Variants in CCDC18 observed in about 807,000 individuals in gnomAD.
The protein encoded by CCDC18 is coiled-coil domain containing 18.
A neutral mutation model predicts 196.0 loss-of-function variants in CCDC18; 157 were observed. The ratio of observed to expected loss-of-function variants is 0.80; its 90% CI spans 0.70 to 0.91. The LOEUF (loss-of-function observed/expected upper bound fraction) is 0.91, where lower values mean the gene tolerates loss of function less well. CCDC18 is among the 40% of genes least tolerant of loss of function. The probability of loss-of-function intolerance (pLI) is 0.00; values close to 1 mark genes in which losing one functional copy is unlikely to be tolerated. For synonymous variants in CCDC18, 482 were observed against 529.2 expected, an observed-to-expected ratio of 0.91 and a Z score of 1.22; for missense variants, 1,465 against 1,611.6, an observed-to-expected ratio of 0.91 and a Z score of 1.56.
chr1:93,264,698 T>G lies in CCDC18; in HGVS notation c.3685-3T>G. The G allele has an allele frequency of 9.4e-6, 15 of 1,591,120 alleles. No homozygotes were observed. Among genetic ancestry groups the G allele is most frequent in the Non-Finnish European group, 1.3e-5 (15 of 1,161,418 alleles). Reference sequence around the variant, plus strand: ...TTTCTTTTCCAATTCTGGGGCTATATAGATGATTTCACATCAAGAGAACCA... The same window carrying G: ...TTTCTTTTCCAATTCTGGGGCTATAGAGATGATTTCACATCAAGAGAACCA... On this transcript the variant is annotated splice_region_variant and splice_polypyrimidine_tract_variant and intron_variant, in intron 26 of 28. Transcript: ENST00000690025.
intron 27 of CCDC18, among the ~76,000 whole-genome samples, chr1:93,267,944 G>A (rs1456217941): frequency 6.6e-6 from 1 of 152,058 alleles, no homozygotes; most frequent in Non-Finnish European, 1.5e-5. Flanking sequence ...CTACCTTAAA[G>A]TTCATATGGA....
In CCDC18 at chr1:93,246,189, G is replaced by T; in HGVS notation, c.3066G>T (p.Lys1022Asn). 1 of 1,603,228 alleles carries T rather than the reference G, an allele frequency of 6.2e-7. No homozygotes were observed. Among genetic ancestry groups the T allele is most frequent in the Non-Finnish European group, 8.5e-7 (1 of 1,174,488 alleles). ...QALKERNWEL[K>N]QRAAQVTHLD... Reference sequence around the variant, plus strand: ...TTAAAGAGAGAAATTGGGAACTAAAGCAAAGAGCAGCTCAGGTTGATTTTT... The same window carrying T: ...TTAAAGAGAGAAATTGGGAACTAAATCAAAGAGCAGCTCAGGTTGATTTTT... Residue 1022 changes from lysine (K) to asparagine (N), a missense_variant, in exon 22 of 29, where the codon AAG becomes AAT. Coordinates refer to ENST00000690025, the MANE Select transcript of CCDC18 (RefSeq NM_001378204.1).
chr1:93,246,922 T>C lies in CCDC18; in HGVS notation c.3166T>C (p.Ser1056Pro), dbSNP rs773965214. 6.9e-7 allele frequency: 1 copy of C among 1,448,118 alleles called. No individual in the cohort carries two copies. Among genetic ancestry groups the C allele is most frequent in the Admixed American group, 2.0e-5 (1 of 50,024 alleles). The allele number at this position is 1,448,118 out of a possible 1,614,324, so 89.7% of individuals were successfully genotyped here. ...TAAATTAGAAGGTACTCTGGAGAAATCAGAATTGGAACTTAAAGAATGTAA... is the reference window on the plus strand; with the variant it reads ...TAAATTAGAAGGTACTCTGGAGAAACCAGAATTGGAACTTAAAGAATGTAA... ...IIKLEGTLEK[S>P]ELELKECNKQ... Residue 1056 changes from serine to proline, a missense_variant, in exon 23 of 29, where the codon TCA (serine) becomes CCA (proline). Ser to Pro is a moderately conservative substitution (Grantham distance 74, BLOSUM62 -1). Transcript: ENST00000690025.
At chr1:93,213,749 G>A (rs887812957) in intron 11 of CCDC18, among the ~76,000 whole-genome samples, 1 of 152,046 alleles carries the variant, frequency 6.6e-6, no homozygotes, top group Non-Finnish European at 1.5e-5. Context: ...TTGGTTTATT[G>A]TCCAGCGTAT....
chr1:93,180,323 G>A, upstream of CCDC18: 1 of 1,449,760 alleles, frequency 6.9e-7, no homozygotes, highest in Non-Finnish European at 9.2e-7. Flanking sequence ...GACTCCTCGT[G>A]GTTGACAGGG....
chr1:93,229,562 A>T (rs1184514856), intron 17 of CCDC18, among the ~76,000 whole-genome samples: 1 of 152,218 alleles, frequency 6.6e-6, no homozygotes. Context: ...CCAATCATAT[A>T]ACTCACTGAA....
chr1:93,200,411 T>TGCTTACTTGAG (rs1440798194), intron 6 of CCDC18, among the ~76,000 whole-genome samples: 1 of 149,406 alleles, frequency 6.7e-6, no homozygotes, highest in African/African-American at 2.5e-5. Context: ...GAGGCCAAAG[T>TGCTTACTTGAG]GCGAGTATTA....
In CCDC18 at chr1:93,180,945, T is replaced by A. The variant is rs988910858; in HGVS notation, c.-3+93T>A. The A allele has an allele frequency of 9.8e-6, 12 of 1,221,228 alleles. No homozygotes were observed. In the Admixed American group the frequency reaches 2.5e-4, roughly 25 times the overall value. The allele number at this position is 1,221,228 out of a possible 1,614,324, so 75.6% of individuals were successfully genotyped here. On this transcript the variant is annotated intron_variant, in intron 1 of 28. Coordinates refer to ENST00000690025, the MANE Select transcript of CCDC18 (RefSeq NM_001378204.1). ...CCTGGGGGAGTTCTGTTCCTTTCCC[T>A]CCCGGCACCTTGGATGCGCTGGGAC...
intron 4 of CCDC18, among the ~76,000 whole-genome samples, chr1:93,187,293 A>G (rs1650867222): frequency 6.6e-6 from 1 of 152,080 alleles, no homozygotes; most frequent in Non-Finnish European, 1.5e-5. Flanking sequence ...GATATAATAT[A>G]TGTAGTCACT....
Position 93,264,867 on chromosome 1 carries a change from T to C in CCDC18, c.3851T>C (p.Val1284Ala). Reference protein sequence around the residue: ...LHQQVQDRNEVIEAANEALLT... With the variant: ...LHQQVQDRNEAIEAANEALLT... Reference sequence around the variant, plus strand: ...CAACAAGTCCAAGATAGGAATGAAGTAATTGAAGCTGCAAATGAAGCATTA... The same window carrying C: ...CAACAAGTCCAAGATAGGAATGAAGCAATTGAAGCTGCAAATGAAGCATTA... Residue 1284 changes from valine to alanine, a missense_variant, in exon 27 of 29, where the codon GTA becomes GCA. Coordinates refer to ENST00000690025, the MANE Select transcript of CCDC18 (RefSeq NM_001378204.1). The C allele has an allele frequency of 6.2e-7, 1 of 1,612,754 alleles. No homozygotes were observed. The highest frequency in any genetic ancestry group is 8.5e-7 in the Non-Finnish European group (1 of 1,178,898).
At chr1:93,209,581 T>C (rs1256190397) in intron 9 of CCDC18, among the ~76,000 whole-genome samples, 3 of 152,192 alleles carry the variant, frequency 2.0e-5, no homozygotes, top group African/African-American at 4.8e-5. Flanking sequence ...AGAAAGTAAA[T>C]AACTTGCCCA....
chr1:93,270,366 T>A lies in CCDC18; in HGVS notation c.3905T>A (p.Leu1302Ter). The A allele has an allele frequency of 6.5e-7, 1 of 1,548,524 alleles. No individual in the cohort carries two copies. Among genetic ancestry groups the A allele is most frequent in the Non-Finnish European group, 8.7e-7 (1 of 1,145,564 alleles). Residue 1302 changes from leucine (L) to a stop codon, truncating the protein, a stop_gained, in exon 28 of 29, where the codon TTA becomes TAA. Transcript: ENST00000690025. LOFTEE classifies it high-confidence loss of function. ...LLTKESELTR[L>*]QAKISGHEKA... is the part of the protein sequence containing the mutation. ...CTGCAGGAATCAGAATTAACCAGAT[T>A]ACAGGCCAAAATTTCTGGACATGAA...
chr1:93,277,375 A>G (rs1665672374), intron 28 of CCDC18, among the ~76,000 whole-genome samples: 2 of 63,202 alleles, frequency 3.2e-5, no homozygotes, highest in Non-Finnish European at 5.3e-5. Context: ...CCTTCCCACG[A>G]GGCCATATTT....
In CCDC18 at chr1:93,251,588, G is replaced by T. The variant is rs115179709; in HGVS notation, c.3199-2883G>T. Among the ~76,000 whole-genome samples the T allele has an allele frequency of 3.7e-3, 566 of 152,102 alleles. 2 individuals are homozygous for T. The highest frequency in any genetic ancestry group is 0.012 in the African/African-American group (507 of 41,482). ...ACAGGTTTTTTTTGTTCAACACTGA[G>T]TATGTCATCTTACTCCCTCCTGGTC... On this transcript the variant is annotated intron_variant, in intron 23 of 28. Coordinates refer to ENST00000690025, the MANE Select transcript of CCDC18 (RefSeq NM_001378204.1).
At chr1:93,260,737 T>C (rs937399203) in intron 26 of CCDC18, among the ~76,000 whole-genome samples, 4 of 152,052 alleles carry the variant, frequency 2.6e-5, no homozygotes, top group Non-Finnish European at 5.9e-5. Flanking sequence ...TCACCTACAT[T>C]AGGTATTTCT....
intron 16 of CCDC18, among the ~76,000 whole-genome samples, chr1:93,225,108 GT>G (rs1228861986): frequency 1.3e-5 from 2 of 151,988 alleles, no homozygotes; most frequent in African/African-American, 4.8e-5. Context: ...TGTTTTTCTC[GT>G]TTTTTCATCT....
At chr1:93,180,308 C>T (rs1282348126), upstream of CCDC18, 41 of 1,491,402 alleles carry the variant, frequency 2.7e-5, no homozygotes, top group Non-Finnish European at 3.5e-5. Flanking sequence ...CGCGTTTCCT[C>T]TCTGGACTCC....
chr1:93,257,255 A>AC lies in CCDC18; in HGVS notation c.3546+717_3546+718insC, dbSNP rs34951879. Among the ~76,000 whole-genome samples, 162 of 147,054 alleles carry AC rather than the reference A, an allele frequency of 1.1e-3. 1 individual carries two copies. In the Middle Eastern group the frequency reaches 0.014, roughly 13 times the overall value. On this transcript the variant is annotated intron_variant, in intron 25 of 28. Transcript: ENST00000690025. The stretch of plus-strand genomic sequence containing the variant: ...TCAAAAAAAAAAAAAAAAAAAAAAA[A>AC]AAAACATGAAAACTATCCAAATTTG...
chr1:93,258,170 C>T (rs1337382025), intron 25 of CCDC18, among the ~76,000 whole-genome samples: 2 of 151,598 alleles, frequency 1.3e-5, no homozygotes, highest in African/African-American at 4.8e-5. Flanking sequence ...TATGGGACCT[C>T]CTACCATATT....
Sources: allele counts gnomAD v4.1 joint callset (sites outside exome capture counted in the v4.1 genomes callset), GRCh38; gene constraint gnomAD v4.1.1; transcripts MANE v1.5; gene names NCBI Gene and HGNC (gene_info 2026-07-23, HGNC 2026-07-21).